DLGAP1: variants seen among roughly 807,000 people sequenced by gnomAD.
The protein encoded by DLGAP1 is DLG associated protein 1.
DLGAP1 carries 11 observed loss-of-function variants against 90.8 expected under a neutral mutation model. That is an observed-to-expected ratio of 0.12 (90% CI 0.08 to 0.20). DLGAP1 has a LOEUF of 0.20. Ranked by LOEUF, DLGAP1 falls within the 10% of genes least tolerant of loss-of-function variation. The pLI is 1.00. For missense variants in DLGAP1, 1,050 were observed against 1,333.8 expected (o/e 0.79, Z 3.31); for synonymous variants, 558 against 540.7 (o/e 1.03, Z -0.44).
intron 7 of DLGAP1, among the ~76,000 whole-genome samples, chr18:3,672,742 C>G (rs996119377): frequency 6.6e-6 from 1 of 152,068 alleles, no homozygotes; most frequent in African/African-American, 2.4e-5. Context: ...GTATCAGTTT[C>G]AACCATTCAT....
intron 1 of DLGAP1, among the ~76,000 whole-genome samples, chr18:4,352,410 T>C (rs180778763): frequency 1.3e-5 from 2 of 152,282 alleles, no homozygotes; most frequent in Non-Finnish European, 2.9e-5. Flanking sequence ...CTCTGCCTTC[T>C]TAATGTCCTA....
chr18:3,780,518 G>C (rs1033576300), intron 5 of DLGAP1, among the ~76,000 whole-genome samples: 4 of 113,878 alleles, frequency 3.5e-5, no homozygotes, highest in African/African-American at 1.6e-4. Context: ...GGCTGGGTCT[G>C]TCCAGGTCCC....
chr18:4,097,623 A>AC (rs139544949), intron 2 of DLGAP1, among the ~76,000 whole-genome samples: 1,635 of 152,352 alleles, frequency 0.011, 28 homozygotes, highest in South Asian at 0.042. Flanking sequence ...ACAGATAGTT[A>AC]TATTCTGAAC....
intron 1 of DLGAP1, among the ~76,000 whole-genome samples, chr18:4,246,185 G>C (rs1014986433): frequency 3.9e-5 from 6 of 151,906 alleles, no homozygotes; most frequent in African/African-American, 1.5e-4. Context: ...TATAAAATGT[G>C]GTAAAATGTA....
chr18:3,994,275 C>A (rs181027905), intron 3 of DLGAP1, among the ~76,000 whole-genome samples: 251 of 152,340 alleles, frequency 1.6e-3, no homozygotes, highest in African/African-American at 5.6e-3. Flanking sequence ...GCGATGGCAG[C>A]CTGTCCACAG....
chr18:4,255,057 G>A (rs530248565), intron 1 of DLGAP1, among the ~76,000 whole-genome samples: 77 of 152,336 alleles, frequency 5.1e-4, no homozygotes, highest in African/African-American at 1.5e-3. Context: ...GGGCAAAGCA[G>A]AGCCGAGTGC....
chr18:3,978,369 TG>T (rs2073645695), intron 3 of DLGAP1: 1 of 341,218 alleles, frequency 2.9e-6, no homozygotes, highest in African/African-American at 2.2e-5. Flanking sequence ...TTAATTTTCG[TG>T]GGATCTCGCC....
chr18:3,770,680 G>C (rs2064486624), intron 5 of DLGAP1, among the ~76,000 whole-genome samples: 1 of 151,846 alleles, frequency 6.6e-6, no homozygotes, highest in South Asian at 2.1e-4. Flanking sequence ...CACAGATTCT[G>C]AACAGAAAGT....
chr18:3,929,164 T>G (rs902348132), intron 3 of DLGAP1, among the ~76,000 whole-genome samples: 1 of 152,196 alleles, frequency 6.6e-6, no homozygotes, highest in Non-Finnish European at 1.5e-5. Context: ...GGTCTTTATA[T>G]CAATGTGAGA....
chr18:3,818,791 T>G (rs2067240432), intron 4 of DLGAP1, among the ~76,000 whole-genome samples: 1 of 151,514 alleles, frequency 6.6e-6, no homozygotes, highest in Non-Finnish European at 1.5e-5. Context: ...GATTGGGGTT[T>G]TGCCATGTTG....
intron 1 of DLGAP1, among the ~76,000 whole-genome samples, chr18:4,339,407 C>T (rs762316041): frequency 2.0e-5 from 3 of 152,156 alleles, no homozygotes; most frequent in South Asian, 2.1e-4. Context: ...CTGTTCTGTG[C>T]TGCAAACCAC....
At chr18:4,230,336 C>G (rs544340406) in intron 1 of DLGAP1, among the ~76,000 whole-genome samples, 1 of 152,186 alleles carries the variant, frequency 6.6e-6, no homozygotes, top group South Asian at 2.1e-4. Flanking sequence ...GCACTCTGCA[C>G]TCCCGTGTTT....
chr18:3,641,565 G>GAC (rs151259415), intron 7 of DLGAP1, among the ~76,000 whole-genome samples: 13,794 of 126,806 alleles, frequency 0.11, 1,174 homozygotes, highest in African/African-American at 0.12. Flanking sequence ...AAGAACATAA[G>GAC]ACAATGTACA....
chr18:4,001,842 GCAGGACTCTAGGGGTTT>G (rs2074192511), intron 3 of DLGAP1, among the ~76,000 whole-genome samples: 2 of 152,150 alleles, frequency 1.3e-5, no homozygotes, highest in South Asian at 4.1e-4. Flanking sequence ...GTTGGAGGCG[GCAGGACTCTAGGGGTTT>G]CAGTTGCCCT....
chr18:3,803,111 C>T (rs959707069), intron 5 of DLGAP1, among the ~76,000 whole-genome samples: 1 of 152,054 alleles, frequency 6.6e-6, no homozygotes, highest in African/African-American at 2.4e-5. Context: ...CCATCACGGC[C>T]AATATCAGGC....
intron 3 of DLGAP1, among the ~76,000 whole-genome samples, chr18:3,958,476 A>G (rs2073127342): frequency 2.0e-5 from 3 of 151,794 alleles, no homozygotes; most frequent in Admixed American, 2.0e-4. Flanking sequence ...AAAAAAAAAA[A>G]AAAGAGGACA....
chr18:4,189,043 T>C (rs116961806), intron 1 of DLGAP1, among the ~76,000 whole-genome samples: 7,238 of 152,244 alleles, frequency 0.048, 267 homozygotes, highest in Non-Finnish European at 0.073. Flanking sequence ...GATAATTACT[T>C]TTTTATGTTC....
intron 1 of DLGAP1, among the ~76,000 whole-genome samples, chr18:4,336,731 C>T (rs768412156): frequency 6.6e-6 from 1 of 152,048 alleles, no homozygotes; most frequent in African/African-American, 2.4e-5. Flanking sequence ...GGACATGTAT[C>T]GAACAAAGGA....
At chr18:4,299,529 T>G (rs1364460517) in intron 1 of DLGAP1, among the ~76,000 whole-genome samples, 1 of 152,186 alleles carries the variant, frequency 6.6e-6, no homozygotes, top group Non-Finnish European at 1.5e-5. Flanking sequence ...TCTATGAAAA[T>G]AAACAGCCCA....
Sources: gnomAD v4.1 joint callset for allele counts (sites outside exome capture counted in the v4.1 genomes callset) on GRCh38, gnomAD v4.1.1 for gene constraint, MANE v1.5 for transcripts, NCBI Gene and HGNC (gene_info 2026-07-23, HGNC 2026-07-21) for gene names.